Variants in SS18 observed in about 807,000 individuals in gnomAD.
The protein encoded by SS18 is SS18 subunit of BAF chromatin remodeling complex.
Under a neutral mutation model 72.5 loss-of-function variants are expected in SS18, and 28 were observed. The ratio of observed to expected loss-of-function variants is 0.39; its 90% CI spans 0.29 to 0.53. The LOEUF is 0.53. SS18 is among the 20% of genes least tolerant of loss of function. The probability of loss-of-function intolerance (pLI) is 0.76; values close to 1 mark genes in which losing one functional copy is unlikely to be tolerated. For synonymous variants in SS18, 172 were observed against 164.2 expected, an observed-to-expected ratio of 1.05 and a Z score of -0.37; for missense variants, 518 against 535.3, an observed-to-expected ratio of 0.97 and a Z score of 0.32.
In SS18 at chr18:26,057,646, C is replaced by A; in HGVS notation, c.328G>T (p.Val110Leu). The A allele has an allele frequency of 6.2e-7, 1 of 1,614,150 alleles. No individual in the cohort carries two copies. Among genetic ancestry groups the A allele is most frequent in the Non-Finnish European group, 8.5e-7 (1 of 1,180,024 alleles). ...TGCGGTGCAGGAGGACCCCCACCTA[C>A]CATTCCATCTGAAGGCATGTTGTGA... ...RSHNMPSDGMVGGGPPAPHMQ... is the reference protein window; with the variant it reads ...RSHNMPSDGMLGGGPPAPHMQ... Residue 110 changes from valine to leucine, a missense_variant, in exon 4 of 11, where the codon GTA becomes TTA. Coordinates refer to ENST00000415083, the MANE Select transcript of SS18 (RefSeq NM_001007559.3).
intron 1 of SS18, chr18:26,090,228 G>A (rs2054697565): frequency 2.1e-6 from 1 of 485,170 alleles, no homozygotes; most frequent in Non-Finnish European, 3.6e-6. Flanking sequence ...CCCGAACGCC[G>A]CCCCATCCCT....
chr18:26,071,051 G>GA (rs1464598874), intron 3 of SS18, among the ~76,000 whole-genome samples: 1 of 152,010 alleles, frequency 6.6e-6, no homozygotes, highest in Admixed American at 6.5e-5. Flanking sequence ...AAACTGGTCA[G>GA]AAAAAAATAT....
In SS18 at chr18:26,052,699, G is replaced by C; in HGVS notation, c.532C>G (p.Gln178Glu). The change falls in exon 5 of 11, where the codon CAG becomes GAG. Residue 178 changes from glutamine (Q) to glutamate (E), a missense_variant. Gln to Glu is a conservative substitution (Grantham distance 29). Transcript: ENST00000415083. ...PSSQSMPVQN[Q>E]MTMSQGQPMG... ...GGTTGTCCCTGACTCATTGTCATCT[G>C]ATTCTGTACTGGCATGCTCTGTGAT... is the stretch of plus-strand genomic sequence containing the variant. 6.2e-7 allele frequency: 1 copy of C among 1,614,120 alleles called. No individual in the cohort carries two copies. Among genetic ancestry groups the C allele is most frequent in the African/African-American group, 1.3e-5 (1 of 75,050 alleles).
chr18:26,090,220 C>T (rs535337548), intron 1 of SS18: 4 of 475,716 alleles, frequency 8.4e-6, no homozygotes, highest in Non-Finnish European at 1.5e-5. Context: ...CCCCGCAGCC[C>T]GAACGCCGCC....
chr18:26,029,795 A>C (rs1399982389), intron 10 of SS18, among the ~76,000 whole-genome samples: 1 of 152,208 alleles, frequency 6.6e-6, no homozygotes, highest in African/African-American at 2.4e-5. Flanking sequence ...CTCAACCATC[A>C]AGACGTGAAC....
Position 26,035,386 on chromosome 18 carries a change from T to C in SS18, c.974-259A>G. On this transcript the variant is annotated intron_variant, in intron 8 of 10. Coordinates refer to ENST00000415083, the MANE Select transcript of SS18 (RefSeq NM_001007559.3). The surrounding 1 kb of genome is among the most constrained non-coding windows in gnomAD (Gnocchi z 4.4). Reference sequence around the variant, plus strand: ...TACGAGCATTACATTTACTGGAACATCACAGTCATAAGATCATGACTATGC... The same window carrying C: ...TACGAGCATTACATTTACTGGAACACCACAGTCATAAGATCATGACTATGC... 2.3e-6 allele frequency: 1 copy of C among 429,668 alleles called. No homozygotes were observed. Among genetic ancestry groups the C allele is most frequent in the Non-Finnish European group, 4.3e-6 (1 of 233,390 alleles). The allele number at this position is 429,668 out of a possible 1,614,324, so 26.6% of individuals were successfully genotyped here. A position where few individuals can be genotyped will look rare whatever the true frequency, so the allele number is the denominator to read the frequency against.
rs542418489 is a variant in SS18 at position 26,031,550 on chromosome 18, A to G, written c.1230+849T>C. Among the ~76,000 whole-genome samples the G allele has an allele frequency of 2.0e-5, 3 of 152,358 alleles. No individual in the cohort carries two copies. In the South Asian group the frequency reaches 6.2e-4, roughly 32 times the overall value. Reference sequence around the variant, plus strand: ...CTGAAACCAGCCTAAAGGAACTGCCATAATAATAAATCATTTCCATAATAA... The same window carrying G: ...CTGAAACCAGCCTAAAGGAACTGCCGTAATAATAAATCATTTCCATAATAA... On this transcript the variant is annotated intron_variant, in intron 10 of 10. Coordinates refer to ENST00000415083, the MANE Select transcript of SS18 (RefSeq NM_001007559.3).
At chr18:26,027,671 T>TAAAAAA (rs68048813) in intron 10 of SS18, among the ~76,000 whole-genome samples, 2 of 27,300 alleles carry the variant, frequency 7.3e-5, no homozygotes, top group Admixed American at 4.5e-4. Flanking sequence ...GAGACTCATC[T>TAAAAAA]AAAAAAAAAA....
In SS18 at chr18:26,052,822, C is replaced by G. The variant is rs768199989; in HGVS notation, c.409G>C (p.Gly137Arg). ...MPGPNHMPMQ[G>R]PGPNQLNMTN... ...ATATTGAGTTGATTGGGTCCAGGTC[C>G]CTGCATAGGCATATGGTTAGGCCCT... is the stretch of plus-strand genomic sequence containing the variant. Residue 137 changes from glycine (G) to arginine (R), a missense_variant, in exon 5 of 11, where the codon GGA becomes CGA. By Grantham distance (125) the Gly-to-Arg change is moderately radical. Coordinates refer to ENST00000415083, the MANE Select transcript of SS18 (RefSeq NM_001007559.3). The G allele has an allele frequency of 1.5e-5, 25 of 1,613,950 alleles. No individual in the cohort carries two copies. The highest frequency in any genetic ancestry group is 1.9e-5 in the Non-Finnish European group (23 of 1,179,990).
intron 1 of SS18, among the ~76,000 whole-genome samples, chr18:26,087,796 CTT>C (rs956721757): frequency 1.3e-5 from 2 of 152,092 alleles, no homozygotes; most frequent in African/African-American, 4.8e-5. Context: ...CTTAAAATGA[CTT>C]TGTTAATGTT....
At position 26,048,195 on chromosome 18, in the gene SS18, A is replaced by T. The variant is rs145504666; in HGVS notation, c.607+4429T>A. 6.6e-5 allele frequency among the ~76,000 whole-genome samples: 10 copies of T among 152,354 alleles called. 1 individual carries two copies. In the East Asian group the frequency reaches 1.9e-3, roughly 29 times the overall value. On this transcript the variant is annotated intron_variant, in intron 5 of 10. Transcript: ENST00000415083. Reference sequence around the variant, plus strand: ...GCCTCATGCAACCTTTATTGAAAACAATTTGGCAATGTCTCTCAAGTAGTT... The same window carrying T: ...GCCTCATGCAACCTTTATTGAAAACTATTTGGCAATGTCTCTCAAGTAGTT...
chr18:26,087,459 T>C (rs2054635552), intron 2 of SS18, 42 bp downstream of exon 2: 1 of 1,131,812 alleles, frequency 8.8e-7, no homozygotes, highest in Non-Finnish European at 1.3e-6. Context: ...AATTAACCAA[T>C]ACAAAAAACT....
At chr18:26,051,256 G>A (rs113301543) in intron 5 of SS18, among the ~76,000 whole-genome samples, 1 of 151,756 alleles carries the variant, frequency 6.6e-6, no homozygotes. Flanking sequence ...TATAACTACT[G>A]TACTATAGTA....
At chr18:26,037,521 A>G (rs2053646444) in intron 7 of SS18, among the ~76,000 whole-genome samples, 1 of 152,092 alleles carries the variant, frequency 6.6e-6, no homozygotes, top group African/African-American at 2.4e-5. Context: ...CAAAACAAAA[A>G]CCAATGTCCT....
At chr18:26,090,977 C>G (rs1043224042), upstream of SS18, 2 of 238,002 alleles carry the variant, frequency 8.4e-6, no homozygotes, top group South Asian at 6.3e-5. Flanking sequence ...CAAGCCGGCC[C>G]GCCCCCTTCG....
intron 3 of SS18, among the ~76,000 whole-genome samples, chr18:26,068,925 AT>A (rs1361786684): frequency 6.6e-6 from 1 of 152,214 alleles, no homozygotes; most frequent in South Asian, 2.1e-4. Context: ...TAAACTGGGG[AT>A]ATTTCAAACG....
At chr18:26,038,417 T>G (rs1227009413) in intron 7 of SS18, 138 bp downstream of exon 7, 2 of 707,844 alleles carry the variant, frequency 2.8e-6, no homozygotes, top group Admixed American at 2.3e-5. Flanking sequence ...ATTGGTACTT[T>G]AGAGTACTGA....
chr18:26,089,343 G>A (rs1756980633), intron 1 of SS18, among the ~76,000 whole-genome samples: 1 of 152,224 alleles, frequency 6.6e-6, no homozygotes, highest in Non-Finnish European at 1.5e-5. Context: ...TTAACTCAGA[G>A]CACTATATGA....
chr18:26,024,769 C>T (rs1427320146), intron 10 of SS18, among the ~76,000 whole-genome samples: 1 of 151,970 alleles, frequency 6.6e-6, no homozygotes, highest in Non-Finnish European at 1.5e-5. Flanking sequence ...AGAACAAAAA[C>T]CAGATGTGAC....
Sources: gnomAD v4.1 joint callset for allele counts (sites outside exome capture counted in the v4.1 genomes callset) on GRCh38, gnomAD v4.1.1 for gene constraint, Gnocchi (gnomAD v3.1) non-coding constraint, MANE v1.5 for transcripts, NCBI Gene and HGNC (gene_info 2026-07-23, HGNC 2026-07-21) for gene names.